The following METTL21A variants were observed in gnomAD, a reference collection of about 807,000 sequenced individuals.
METTL21A encodes methyltransferase 21A, HSPA lysine.
Under a neutral mutation model 20.9 loss-of-function variants are expected in METTL21A, and 22 were observed. That is an observed-to-expected ratio of 1.05 (90% confidence interval 0.75 to 1.50). The LOEUF is 1.50. Among genes scored for constraint, METTL21A ranks in the 40% most tolerant of loss-of-function variants. METTL21A has a pLI of 0.00. For synonymous variants in METTL21A, 93 were observed against 102.0 expected (o/e 0.91, Z 0.53); for missense variants, 271 against 266.8 (o/e 1.02, Z -0.11).
At chr2:207,604,079 A>G (rs1280745558) in intron 3 of METTL21A, among the ~76,000 whole-genome samples, 1 of 152,206 alleles carries the variant, frequency 6.6e-6, no homozygotes, top group Non-Finnish European at 1.5e-5. Context: ...TATTAATTAC[A>G]TGAGGGACAA....
chr2:207,614,769 C>G (rs571228616), intron 3 of METTL21A, among the ~76,000 whole-genome samples: 2 of 152,086 alleles, frequency 1.3e-5, no homozygotes, highest in African/African-American at 4.8e-5. Context: ...AAGGTCAGGT[C>G]GGATCCACCT....
chr2:207,612,940 C>G (rs2089164276), exon 4 of METTL21A: 1 of 1,242,774 alleles, frequency 8.0e-7, no homozygotes, highest in South Asian at 1.6e-5. Context: ...GAACCTTTGG[C>G]TTAGACTTTT....
intron 3 of METTL21A, among the ~76,000 whole-genome samples, chr2:207,619,545 T>C (rs2090221258): frequency 6.6e-6 from 1 of 152,150 alleles, no homozygotes; most frequent in Non-Finnish European, 1.5e-5. Context: ...GAAATGCTTA[T>C]GACATAATGT....
chr2:207,587,051 A>G (rs1273502590), intron 3 of METTL21A, among the ~76,000 whole-genome samples: 1 of 152,158 alleles, frequency 6.6e-6, no homozygotes, highest in Non-Finnish European at 1.5e-5. Flanking sequence ...TGTTGATGAG[A>G]ATGTACATTA....
chr2:207,612,042 T>TAA (rs1266909963), downstream of METTL21A: 4 of 112,696 alleles, frequency 3.5e-5, no homozygotes, highest in African/African-American at 9.6e-5. Flanking sequence ...ATAAATTAAT[T>TAA]AAAAAAAAAA....
At chr2:207,584,782 ATTGT>A (rs1439779197) in intron 3 of METTL21A, among the ~76,000 whole-genome samples, 3 of 152,220 alleles carry the variant, frequency 2.0e-5, no homozygotes, top group East Asian at 1.9e-4. Context: ...AGTCATTTCT[ATTGT>A]TTGTTTTCTT....
chr2:207,582,925 A>C, intron 3 of METTL21A: 1 of 261,738 alleles, frequency 3.8e-6, no homozygotes, highest in Non-Finnish European at 7.6e-6. Context: ...AAAAATATAT[A>C]TATATACATA....
chr2:207,620,885 C>T, intron 3 of METTL21A: 1 of 516,566 alleles, frequency 1.9e-6, no homozygotes, highest in South Asian at 2.5e-5. Flanking sequence ...TATCTGTAGA[C>T]AATGCGATGG....
chr2:207,602,335 T>C (rs999259517), intron 3 of METTL21A: 7 of 199,704 alleles, frequency 3.5e-5, no homozygotes, highest in African/African-American at 1.6e-4. Context: ...CTGACCTGTC[T>C]GCATTCTGGT....
chr2:207,583,534 C>T (rs919952192), intron 3 of METTL21A, among the ~76,000 whole-genome samples: 1 of 152,136 alleles, frequency 6.6e-6, no homozygotes, highest in African/African-American at 2.4e-5. Context: ...TAGTATTTAG[C>T]AAAAGTGCTG....
intron 3 of METTL21A, chr2:207,599,538 T>G (rs1176126786): frequency 5.1e-6 from 1 of 197,490 alleles, no homozygotes; most frequent in East Asian, 7.9e-5. Flanking sequence ...AAAGACCTTA[T>G]CCTTCATACC....
At chr2:207,597,101 G>T (rs772562388) in intron 3 of METTL21A, 1 of 1,543,244 alleles carries the variant, frequency 6.5e-7, no homozygotes, top group South Asian at 1.2e-5. Context: ...AAAATGGACT[G>T]GCTTGGCCAC....
At chr2:207,597,440 C>T (rs1299479798) in intron 3 of METTL21A, 2 of 236,192 alleles carry the variant, frequency 8.5e-6, no homozygotes, top group African/African-American at 4.4e-5. Context: ...ACAGAATTAC[C>T]CCAGCCTCTT....
At chr2:207,582,249 T>C in intron 3 of METTL21A, 1 of 692,948 alleles carries the variant, frequency 1.4e-6, no homozygotes, top group Non-Finnish European at 2.6e-6. Flanking sequence ...ACTTGGAGGC[T>C]ATGCAGATAT....
chr2:207,602,577 G>T (rs999287284), intron 3 of METTL21A: 22 of 211,506 alleles, frequency 1.0e-4, no homozygotes, highest in African/African-American at 4.5e-4. Flanking sequence ...TTAAAAATTG[G>T]TAGGGAGGAA....
At chr2:207,594,991 CTTT>C (rs751274446) in intron 3 of METTL21A, among the ~76,000 whole-genome samples, 3 of 118,822 alleles carry the variant, frequency 2.5e-5, no homozygotes, top group Non-Finnish European at 5.3e-5. Context: ...TGTTGAGCAT[CTTT>C]TTTTTTTTTT....
At chr2:207,614,007 G>A (rs780171380) in intron 3 of METTL21A, among the ~76,000 whole-genome samples, 1 of 152,202 alleles carries the variant, frequency 6.6e-6, no homozygotes, top group Non-Finnish European at 1.5e-5. Context: ...CACGGCTGAT[G>A]CTTCTGAATT....
At chr2:207,594,920 T>A (rs911911832) in intron 3 of METTL21A, among the ~76,000 whole-genome samples, 5 of 151,904 alleles carry the variant, frequency 3.3e-5, no homozygotes, top group African/African-American at 1.2e-4. Context: ...ATAGTAGCCA[T>A]CCTAATGGTT....
At chr2:207,588,994 T>C (rs1304744504) in intron 3 of METTL21A, among the ~76,000 whole-genome samples, 1 of 152,162 alleles carries the variant, frequency 6.6e-6, no homozygotes, top group African/African-American at 2.4e-5. Context: ...TAATTTTTTT[T>C]CCTTATTGCA....
Sources: allele counts gnomAD v4.1 joint callset (sites outside exome capture counted in the v4.1 genomes callset), GRCh38; gene constraint gnomAD v4.1.1; transcripts MANE v1.5; gene names NCBI Gene and HGNC (gene_info 2026-07-23, HGNC 2026-07-21).